Variants in CERS6 observed in about 807,000 individuals in gnomAD.
The protein encoded by CERS6 is LAG1 homolog, ceramide synthase 6.
A neutral mutation model predicts 56.8 loss-of-function variants in CERS6; 26 were observed. The ratio of observed to expected loss-of-function variants is 0.46; its 90% CI spans 0.34 to 0.63. The LOEUF (loss-of-function observed/expected upper bound fraction) is 0.63. Among genes scored for constraint, CERS6 ranks in the 30% least tolerant of loss-of-function variants. The pLI is 0.01. For synonymous variants in CERS6, 164 were observed against 173.3 expected (o/e 0.95, Z 0.42); for missense variants, 415 against 467.5 (o/e 0.89, Z 1.04).
chr2:168,526,940 T>C (rs2105359754), intron 1 of CERS6, among the ~76,000 whole-genome samples: 1 of 152,354 alleles, frequency 6.6e-6, no homozygotes, highest in South Asian at 2.1e-4. Context: ...ATTGAAGCGT[T>C]TGAACACGTG....
intron 2 of CERS6, among the ~76,000 whole-genome samples, chr2:168,548,141 T>C (rs1366272066): frequency 1.3e-5 from 2 of 152,024 alleles, no homozygotes; most frequent in Non-Finnish European, 2.9e-5. Context: ...AGTAGACAAA[T>C]GTAAACAAAA....
chr2:168,610,217 T>C (rs947975869), intron 3 of CERS6, among the ~76,000 whole-genome samples: 1 of 152,034 alleles, frequency 6.6e-6, no homozygotes, highest in Non-Finnish European at 1.5e-5. Context: ...GACCTCATGA[T>C]CCACCCACCT....
chr2:168,707,096 A>G lies in CERS6; in HGVS notation c.610-7905A>G, dbSNP rs78448557. Among the ~76,000 whole-genome samples the G allele has an allele frequency of 9.7e-3, 1,471 of 152,338 alleles. 50 individuals carry two copies. The highest frequency in any genetic ancestry group is 0.052 in the East Asian group (270 of 5,188). ...AACAGTGGGGATGTCAGATTTGAGA[A>G]TGGCTAGTAGAGATAATTAAATCAC... is the stretch of plus-strand genomic sequence containing the variant. On this transcript the variant is annotated intron_variant, in intron 6 of 9. Transcript: ENST00000305747.
At chr2:168,521,011 G>A (rs1266524908) in intron 1 of CERS6, among the ~76,000 whole-genome samples, 2 of 152,136 alleles carry the variant, frequency 1.3e-5, no homozygotes, top group Admixed American at 6.5e-5. Context: ...GTTTATGAAA[G>A]CATGAAAATG....
At chr2:168,575,521 A>G (rs1683242397) in intron 3 of CERS6, among the ~76,000 whole-genome samples, 1 of 152,060 alleles carries the variant, frequency 6.6e-6, no homozygotes. Flanking sequence ...GGCTCCCACC[A>G]GATCCCTCCC....
At chr2:168,480,393 T>C (rs1694157550) in intron 1 of CERS6, among the ~76,000 whole-genome samples, 1 of 152,206 alleles carries the variant, frequency 6.6e-6, no homozygotes. Flanking sequence ...ATCTGACAAA[T>C]ACTTTTGCAG....
intron 3 of CERS6, among the ~76,000 whole-genome samples, chr2:168,600,123 A>T (rs1683896800): frequency 6.6e-6 from 1 of 151,638 alleles, no homozygotes; most frequent in Non-Finnish European, 1.5e-5. Context: ...TGAACATTAT[A>T]GGTGACAGTA....
intron 5 of CERS6, among the ~76,000 whole-genome samples, chr2:168,691,525 T>C (rs1051799115): frequency 6.6e-6 from 1 of 152,176 alleles, no homozygotes; most frequent in Non-Finnish European, 1.5e-5. Context: ...CCTCCAAATA[T>C]GTAAATCAAG....
chr2:168,748,929 C>A (rs1489580247), intron 8 of CERS6, among the ~76,000 whole-genome samples: 1 of 152,052 alleles, frequency 6.6e-6, no homozygotes, highest in South Asian at 2.1e-4. Context: ...AAGCAGATCT[C>A]TTGTGTCCTT....
intron 4 of CERS6, among the ~76,000 whole-genome samples, chr2:168,653,075 C>T (rs1559037487): frequency 6.6e-6 from 1 of 152,178 alleles, no homozygotes; most frequent in Non-Finnish European, 1.5e-5. Context: ...GGGCAATAGT[C>T]TTATCAGGTC....
chr2:168,700,242 C>A (rs149830186), intron 6 of CERS6, among the ~76,000 whole-genome samples: 1 of 152,312 alleles, frequency 6.6e-6, no homozygotes, highest in East Asian at 1.9e-4. Flanking sequence ...ACTGTAAGTG[C>A]TTTAGATGCC....
chr2:168,585,071 A>G (rs1042447250), intron 3 of CERS6, among the ~76,000 whole-genome samples: 1 of 152,240 alleles, frequency 6.6e-6, no homozygotes, highest in Non-Finnish European at 1.5e-5. Context: ...CAGGTGGTTG[A>G]TTCTTCCAGT....
intron 8 of CERS6, among the ~76,000 whole-genome samples, chr2:168,750,552 C>T (rs1574219059): frequency 6.6e-6 from 1 of 152,192 alleles, no homozygotes; most frequent in Non-Finnish European, 1.5e-5. Context: ...ATTGTACTCT[C>T]AGCATTTTTC....
chr2:168,664,376 G>C (rs377673427), intron 4 of CERS6, among the ~76,000 whole-genome samples: 15 of 152,104 alleles, frequency 9.9e-5, no homozygotes, highest in African/African-American at 3.4e-4. Flanking sequence ...CAGTGAACTG[G>C]GAGGGTTACA....
rs142710632 is a variant in CERS6, at chr2:168,772,046, A to G, written c.*2384A>G. On this transcript the variant is annotated 3_prime_UTR_variant, in exon 10 of 10. Transcript: ENST00000305747. ...GTTTGCAGGCTTTTTATGGTGAAGA[A>G]TAATATATCTCTGTCTATAGCTTTC... The G allele has an allele frequency of 7.2e-5, 11 of 152,328 alleles. No homozygotes were observed. In the East Asian group the frequency reaches 2.1e-3, roughly 29 times the overall value. 9.4% of individuals were successfully genotyped at this position (152,328 alleles called of 1,614,324 possible).
intron 4 of CERS6, among the ~76,000 whole-genome samples, chr2:168,650,217 A>T (rs1559036313): frequency 1.3e-5 from 2 of 152,102 alleles, no homozygotes; most frequent in Non-Finnish European, 2.9e-5. Flanking sequence ...AGGGTCTGGT[A>T]TATCCTGTTT....
At chr2:168,592,316 C>A (rs1456474071) in intron 3 of CERS6, among the ~76,000 whole-genome samples, 1 of 151,980 alleles carries the variant, frequency 6.6e-6, no homozygotes, top group African/African-American at 2.4e-5. Flanking sequence ...AGAGGCACAG[C>A]CCAGGAAAGC....
rs1353753983 is a variant in CERS6 at position 168,657,713 on chromosome 2, GGGCA to G, written c.465+26675_465+26678del. Among the ~76,000 whole-genome samples, 3 of 152,236 alleles carry G rather than the reference GGGCA, an allele frequency of 2.0e-5. No individual in the cohort carries two copies. In the East Asian group the frequency reaches 5.8e-4, roughly 29 times the overall value. On this transcript the variant is annotated intron_variant, in intron 4 of 9. Transcript: ENST00000305747. ...AGTCCCCCATTGCCCGGGGCCAGCA[GGGCA>G]GGCTGGCTGCTCCGAGTGCGGGGCC...
intron 3 of CERS6, among the ~76,000 whole-genome samples, chr2:168,615,604 A>C (rs1684298291): frequency 6.6e-6 from 1 of 150,628 alleles, no homozygotes; most frequent in Non-Finnish European, 1.5e-5. Flanking sequence ...AGAGTCGAAC[A>C]AGCAGAAAAA....
Sources: allele counts gnomAD v4.1 joint callset (sites outside exome capture counted in the v4.1 genomes callset), GRCh38; gene constraint gnomAD v4.1.1; transcripts MANE v1.5; gene names NCBI Gene and HGNC (gene_info 2026-07-23, HGNC 2026-07-21).